PTPRN2: variants seen among roughly 807,000 people sequenced by gnomAD.
PTPRN2 encodes receptor-type tyrosine-protein phosphatase N2.
A neutral mutation model predicts 118.8 loss-of-function variants in PTPRN2; 74 were observed. The ratio of observed to expected loss-of-function variants is 0.62; its 90% CI spans 0.52 to 0.76. The LOEUF (loss-of-function observed/expected upper bound fraction) is 0.76. Among genes scored for constraint, PTPRN2 ranks in the 30% least tolerant of loss-of-function variants. The pLI, the probability that PTPRN2 is intolerant of heterozygous loss-of-function variation, is 0.00. For missense variants in PTPRN2, 1,481 were observed against 1,394.4 expected (o/e 1.06, Z -0.99); for synonymous variants, 641 against 608.0 (o/e 1.05, Z -0.80).
chr7:157,659,626 G>C (rs1313801577), intron 13 of PTPRN2, among the ~76,000 whole-genome samples: 1 of 151,900 alleles, frequency 6.6e-6, no homozygotes, highest in Non-Finnish European at 1.5e-5. Context: ...TTAGTTTATA[G>C]ACAGTTTTAA....
At chr7:158,162,889 G>T (rs1364190362) in intron 6 of PTPRN2, among the ~76,000 whole-genome samples, 3 of 152,200 alleles carry the variant, frequency 2.0e-5, no homozygotes, top group Non-Finnish European at 4.4e-5. Flanking sequence ...AGACTAAACA[G>T]CAAGGGTCTC....
intron 12 of PTPRN2, among the ~76,000 whole-genome samples, chr7:157,757,485 G>A (rs920989324): frequency 2.0e-5 from 3 of 152,124 alleles, no homozygotes; most frequent in Non-Finnish European, 1.5e-5. Context: ...GGCAGGGCCG[G>A]GGCAACTGGG....
intron 2 of PTPRN2, among the ~76,000 whole-genome samples, chr7:158,401,140 T>C (rs2151404038): frequency 6.6e-6 from 1 of 152,276 alleles, no homozygotes; most frequent in East Asian, 1.9e-4. Flanking sequence ...CAGTGATGCC[T>C]GCGGTGCCAG....
chr7:157,825,411 C>G (rs1476507254), intron 12 of PTPRN2, among the ~76,000 whole-genome samples: 1 of 151,596 alleles, frequency 6.6e-6, no homozygotes, highest in Admixed American at 6.6e-5. Context: ...CAGACTGCCT[C>G]CCCCCCAGAC....
chr7:158,542,698 TA>T (rs1463255170), intron 1 of PTPRN2, among the ~76,000 whole-genome samples: 8 of 152,192 alleles, frequency 5.3e-5, no homozygotes, highest in African/African-American at 1.4e-4. Context: ...CTTCTAATAT[TA>T]AATTGTTTCT....
rs983467449 is a variant in PTPRN2 at position 157,874,862 on chromosome 7, C to T, written c.1788+23811G>A. On this transcript the variant is annotated intron_variant, in intron 12 of 22. Transcript: ENST00000389418. This position sits in a 1 kb window ranked among gnomAD's most constrained non-coding sequence, Gnocchi z 5.8. Reference sequence around the variant, plus strand: ...TCATGCACATATACACACGGAGACACACTCGTGCACATACACACACGGAGA... The same window carrying T: ...TCATGCACATATACACACGGAGACATACTCGTGCACATACACACACGGAGA... Among the ~76,000 whole-genome samples, 1 of 152,016 alleles carries T rather than the reference C, an allele frequency of 6.6e-6. No individual in the cohort carries two copies. The highest frequency in any genetic ancestry group is 2.4e-5 in the African/African-American group (1 of 41,376).
intron 3 of PTPRN2, among the ~76,000 whole-genome samples, chr7:158,223,555 G>GA (rs1263166749): frequency 2.0e-5 from 3 of 151,962 alleles, no homozygotes; most frequent in East Asian, 1.9e-4. Flanking sequence ...GGCTAAAGAA[G>GA]AAAAAAATCA....
chr7:158,300,759 T>C (rs1287659093), intron 3 of PTPRN2, among the ~76,000 whole-genome samples: 1 of 152,086 alleles, frequency 6.6e-6, no homozygotes, highest in African/African-American at 2.4e-5. Context: ...CCACCATTTA[T>C]GCTGAACGTG....
intron 11 of PTPRN2, among the ~76,000 whole-genome samples, chr7:158,057,977 T>C (rs1026312250): frequency 6.6e-6 from 1 of 152,260 alleles, no homozygotes; most frequent in Admixed American, 6.5e-5. Flanking sequence ...ACAACCCATA[T>C]ACAGAATGCT....
chr7:157,621,598 G>A (rs1016227091), intron 14 of PTPRN2, 89 bp from the exon 15 acceptor site: 37 of 1,519,218 alleles, frequency 2.4e-5, no homozygotes, highest in Middle Eastern at 3.4e-4. Flanking sequence ...CTTTGCACTC[G>A]CCGCGTGGGC....
At chr7:158,462,646 C>G (rs1819090477) in intron 2 of PTPRN2, among the ~76,000 whole-genome samples, 1 of 152,192 alleles carries the variant, frequency 6.6e-6, no homozygotes. Context: ...CCTCTCCCCT[C>G]CTTCCACCCT....
chr7:158,192,273 C>G, intron 5 of PTPRN2, 54 bp downstream of exon 5: 2 of 1,415,600 alleles, frequency 1.4e-6, no homozygotes, highest in Non-Finnish European at 1.8e-6. Flanking sequence ...GCCCAGGTAC[C>G]TGCACCCTGA....
chr7:157,940,127 A>G lies in PTPRN2; in HGVS notation c.1724-41390T>C, dbSNP rs559573312. On this transcript the variant is annotated intron_variant, in intron 11 of 22. Transcript: ENST00000389418. ...AGTTCCAGTCCAGGTCCTGAGGGAC[A>G]TGTTCTCTGCACATTTCCTTCTGGG... Among the ~76,000 whole-genome samples the G allele has an allele frequency of 1.2e-4, 19 of 152,218 alleles. No individual in the cohort carries two copies. In the South Asian group the frequency reaches 1.7e-3, roughly 13 times the overall value.
chr7:158,147,763 C>A (rs62480223), intron 6 of PTPRN2, among the ~76,000 whole-genome samples: 8 of 16,248 alleles, frequency 4.9e-4, no homozygotes, highest in East Asian at 1.6e-3. Flanking sequence ...TGACACCCCA[C>A]CTCACGCCAC....
chr7:157,979,872 C>G (rs867209860), intron 11 of PTPRN2, among the ~76,000 whole-genome samples: 55 of 152,316 alleles, frequency 3.6e-4, no homozygotes, highest in Admixed American at 3.9e-4. Flanking sequence ...CCAACCATAC[C>G]CTCATGTGAG....
chr7:157,809,650 G>A (rs79584850), intron 12 of PTPRN2, among the ~76,000 whole-genome samples: 13,616 of 152,184 alleles, frequency 0.089, 701 homozygotes, highest in Middle Eastern at 0.14. Context: ...GGACGGAGAC[G>A]GAACGGAGTG....
At chr7:158,100,070 C>T (rs1022191255) in intron 10 of PTPRN2, among the ~76,000 whole-genome samples, 7 of 151,842 alleles carry the variant, frequency 4.6e-5, no homozygotes, top group Non-Finnish European at 8.8e-5. Context: ...GTCCTTATGT[C>T]ATTCTTAAGC....
chr7:158,277,055 T>C (rs953518776), intron 3 of PTPRN2, among the ~76,000 whole-genome samples: 3 of 152,188 alleles, frequency 2.0e-5, no homozygotes, highest in Non-Finnish European at 4.4e-5. Context: ...CAAGAGTGGC[T>C]GATCAGAGCT....
At chr7:158,307,707 CAT>C (rs777135866) in intron 3 of PTPRN2, among the ~76,000 whole-genome samples, 5 of 152,188 alleles carry the variant, frequency 3.3e-5, no homozygotes, top group Non-Finnish European at 5.9e-5. Flanking sequence ...ACTTGTCACA[CAT>C]GTTATGGACT....
Sources: allele counts gnomAD v4.1 joint callset (sites outside exome capture counted in the v4.1 genomes callset), GRCh38; gene constraint gnomAD v4.1.1; non-coding constraint Gnocchi (gnomAD v3.1); transcripts MANE v1.5; gene names NCBI Gene and HGNC (gene_info 2026-07-23, HGNC 2026-07-21).